The following PARD3B variants were observed in gnomAD, a reference collection of about 807,000 sequenced individuals.
The protein encoded by PARD3B is partitioning defective 3 homolog B.
A neutral mutation model predicts 130.2 loss-of-function variants in PARD3B; 103 were observed. The observed-to-expected ratio is 0.79, with a 90% CI of 0.67 to 0.93. PARD3B has a LOEUF of 0.93. Ranked by LOEUF, PARD3B falls within the 40% of genes least tolerant of loss-of-function variation. The pLI is 0.00. For synonymous variants in PARD3B, 583 were observed against 553.2 expected (o/e 1.05, Z -0.76); for missense variants, 1,609 against 1,499.2 (o/e 1.07, Z -1.21).
chr2:204,763,803 T>C (rs2125413373), intron 2 of PARD3B, among the ~76,000 whole-genome samples: 1 of 152,346 alleles, frequency 6.6e-6, no homozygotes, highest in East Asian at 1.9e-4. Flanking sequence ...GTGCCATTTA[T>C]TCACCTTCAA....
At chr2:204,841,784 A>G (rs2044267166) in intron 2 of PARD3B, among the ~76,000 whole-genome samples, 1 of 152,120 alleles carries the variant, frequency 6.6e-6, no homozygotes, top group Non-Finnish European at 1.5e-5. Flanking sequence ...TAAATAGGCC[A>G]TTGTATAAAA....
Position 205,558,663 on chromosome 2 carries a change from G to A in PARD3B, c.3260+5260G>A, listed in dbSNP as rs746690604. The stretch of plus-strand genomic sequence containing the variant: ...CTGCTTCCCGCCTTTTGCTCCACAT[G>A]GATTCTCTCTGTGCCGTCTCCTCCA... On this transcript the variant is annotated intron_variant, in intron 22 of 22. Coordinates refer to ENST00000406610, the MANE Select transcript of PARD3B (RefSeq NM_001302769.2). This position sits in a 1 kb window ranked among gnomAD's most constrained non-coding sequence, Gnocchi z 4.8. Among the ~76,000 whole-genome samples, 23 of 152,058 alleles carry A rather than the reference G, an allele frequency of 1.5e-4. No individual in the cohort carries two copies. Among genetic ancestry groups the A allele is most frequent in the Non-Finnish European group, 2.8e-4 (19 of 68,004 alleles).
rs946045095 is a variant in PARD3B at position 204,857,935 on chromosome 2, C to T, written c.223-107217C>T. On this transcript the variant is annotated intron_variant, in intron 2 of 22. Coordinates refer to ENST00000406610, the MANE Select transcript of PARD3B (RefSeq NM_001302769.2). ...GGAATGAGACAAACATATCCTTCTA[C>T]AGATCCTTAATCGTCTAAAGGGAGG... 2.0e-5 allele frequency among the ~76,000 whole-genome samples: 3 copies of T among 152,164 alleles called. No homozygotes were observed. In the East Asian group the frequency reaches 5.8e-4, roughly 29 times the overall value.
In PARD3B at chr2:205,078,331, C is replaced by T. The variant is rs1041294262; in HGVS notation, c.505-26095C>T. ...TATTGTAGGTTCACTCAATGGCTAT[C>T]GCAGCATCATTCTTCATAATTTTTA... On this transcript the variant is annotated intron_variant, in intron 4 of 22. Transcript: ENST00000406610. The surrounding 1 kb of genome is among the most constrained non-coding windows in gnomAD (Gnocchi z 4.0). Among the ~76,000 whole-genome samples the T allele has an allele frequency of 1.3e-5, 2 of 152,136 alleles. No individual in the cohort carries two copies. Among genetic ancestry groups the T allele is most frequent in the African/African-American group, 4.8e-5 (2 of 41,434 alleles).
At chr2:204,938,591 A>G (rs759875875) in intron 2 of PARD3B, among the ~76,000 whole-genome samples, 7 of 152,162 alleles carry the variant, frequency 4.6e-5, no homozygotes, top group Non-Finnish European at 1.0e-4. Context: ...TTTATCTCAT[A>G]CTTTTCTTAT....
Position 205,300,443 on chromosome 2 carries a change from G to A in PARD3B, c.2186-87G>A. On this transcript the variant is annotated intron_variant, in intron 16 of 22. Coordinates refer to ENST00000406610, the MANE Select transcript of PARD3B (RefSeq NM_001302769.2). The surrounding 1 kb of genome is among the most constrained non-coding windows in gnomAD (Gnocchi z 4.1). Reference sequence around the variant, plus strand: ...CCACTTAACACCCCTTTTTTGGGATGTCCAGACAGAAATATTCTTAGAACA... The same window carrying A: ...CCACTTAACACCCCTTTTTTGGGATATCCAGACAGAAATATTCTTAGAACA... The A allele has an allele frequency of 7.8e-7, 1 of 1,280,280 alleles. No individual in the cohort carries two copies. The highest frequency in any genetic ancestry group is 2.3e-5 in the East Asian group (1 of 42,734). The allele number at this position is 1,280,280 out of a possible 1,614,324, so 79.3% of individuals were successfully genotyped here.
At chr2:204,784,162 TA>T (rs941201724) in intron 2 of PARD3B, among the ~76,000 whole-genome samples, 4 of 152,134 alleles carry the variant, frequency 2.6e-5, no homozygotes, top group Non-Finnish European at 4.4e-5. Flanking sequence ...GAGTAGTAAA[TA>T]AAGTGTGATC....
chr2:205,236,912 A>G (rs950811488), intron 15 of PARD3B, among the ~76,000 whole-genome samples: 1 of 152,178 alleles, frequency 6.6e-6, no homozygotes, highest in Non-Finnish European at 1.5e-5. Flanking sequence ...ATTTGGGGAC[A>G]AATTTGTCGT....
chr2:205,509,904 A>G (rs960067823), intron 21 of PARD3B, among the ~76,000 whole-genome samples: 1 of 152,212 alleles, frequency 6.6e-6, no homozygotes, highest in Admixed American at 6.5e-5. Context: ...GCCAGTCGCT[A>G]CAACTAACAT....
rs867730932 is a variant in PARD3B at position 204,804,298 on chromosome 2, A to T, written c.222+118016A>T. ...GATACACATAGACTGAAAATAGGGG[A>T]TAGAAAGAGATATTCCATGCAAATT... On this transcript the variant is annotated intron_variant, in intron 2 of 22. Transcript: ENST00000406610. 2.0e-5 allele frequency among the ~76,000 whole-genome samples: 3 copies of T among 152,282 alleles called. No individual in the cohort carries two copies. The South Asian group carries it at 6.2e-4, about 32-fold the overall frequency.
intron 3 of PARD3B, among the ~76,000 whole-genome samples, chr2:205,004,858 T>G (rs1695124197): frequency 6.6e-6 from 1 of 152,176 alleles, no homozygotes; most frequent in East Asian, 1.9e-4. Context: ...CACGTTTGTT[T>G]CAGTCTTTCA....
rs1475821535 is a variant in PARD3B at position 205,575,434 on chromosome 2, T to C, written c.3260+22031T>C. ...CGCTCTCTCGGTGTTGTTCATTCTGTGGGTTTGGACAAGTGTATAATGACA... is the reference window on the plus strand; with the variant it reads ...CGCTCTCTCGGTGTTGTTCATTCTGCGGGTTTGGACAAGTGTATAATGACA... On this transcript the variant is annotated intron_variant, in intron 22 of 22. Coordinates refer to ENST00000406610, the MANE Select transcript of PARD3B (RefSeq NM_001302769.2). This position sits in a 1 kb window ranked among gnomAD's most constrained non-coding sequence, Gnocchi z 4.6. Among the ~76,000 whole-genome samples the C allele has an allele frequency of 6.6e-6, 1 of 152,064 alleles. No individual in the cohort carries two copies. Among genetic ancestry groups the C allele is most frequent in the African/African-American group, 2.4e-5 (1 of 41,408 alleles).
chr2:204,632,700 G>A (rs2034724070), intron 1 of PARD3B, among the ~76,000 whole-genome samples: 4 of 152,140 alleles, frequency 2.6e-5, no homozygotes, highest in Admixed American at 2.6e-4. Context: ...GAGATCCATG[G>A]GAGAAGCCTG....
chr2:204,700,555 A>C (rs1213910332), intron 2 of PARD3B, among the ~76,000 whole-genome samples: 1 of 152,158 alleles, frequency 6.6e-6, no homozygotes, highest in African/African-American at 2.4e-5. Flanking sequence ...TTAATACTTC[A>C]GCCAAATCAG....
chr2:205,242,357 T>C (rs1316361178), intron 15 of PARD3B, among the ~76,000 whole-genome samples: 1 of 152,240 alleles, frequency 6.6e-6, no homozygotes, highest in Admixed American at 6.5e-5. Context: ...AAGCCTAATA[T>C]GGCCAGGGAA....
At chr2:204,833,546 G>A (rs1002507705) in intron 2 of PARD3B, among the ~76,000 whole-genome samples, 1 of 152,070 alleles carries the variant, frequency 6.6e-6, no homozygotes, top group East Asian at 1.9e-4. Context: ...TCCTGGAAGG[G>A]ACCTGGTGGG....
intron 2 of PARD3B, among the ~76,000 whole-genome samples, chr2:204,749,948 A>G (rs546488952): frequency 2.3e-4 from 35 of 152,262 alleles, no homozygotes; most frequent in Middle Eastern, 3.4e-3. Flanking sequence ...GCTTTTTTGC[A>G]TATATTTTCT....
intron 1 of PARD3B, among the ~76,000 whole-genome samples, chr2:204,674,389 A>T (rs540411644): frequency 3.9e-5 from 6 of 152,236 alleles, no homozygotes; most frequent in Non-Finnish European, 8.8e-5. Flanking sequence ...TTCTGGAGGA[A>T]TGAAGTTGTT....
Position 205,003,379 on chromosome 2 carries a change from G to T in PARD3B, c.394+38056G>T, listed in dbSNP as rs546639540. Among the ~76,000 whole-genome samples, 4 of 152,230 alleles carry T rather than the reference G, an allele frequency of 2.6e-5. No individual in the cohort carries two copies. The South Asian group carries it at 8.3e-4, about 32-fold the overall frequency. Reference sequence around the variant, plus strand: ...TGGACTTTTTTGGGGGGCATTGGGGGTGGTTATTCTGCCTAGCAGGGTACA... The same window carrying T: ...TGGACTTTTTTGGGGGGCATTGGGGTTGGTTATTCTGCCTAGCAGGGTACA... On this transcript the variant is annotated intron_variant, in intron 3 of 22. Transcript: ENST00000406610.
Sources: gnomAD v4.1 joint callset for allele counts (sites outside exome capture counted in the v4.1 genomes callset) on GRCh38, gnomAD v4.1.1 for gene constraint, Gnocchi (gnomAD v3.1) non-coding constraint, MANE v1.5 for transcripts, NCBI Gene and HGNC (gene_info 2026-07-23, HGNC 2026-07-21) for gene names.